Variants in CLNK observed in about 807,000 individuals in gnomAD.
CLNK encodes cytokine-dependent hematopoietic cell linker.
A neutral mutation model predicts 68.6 loss-of-function variants in CLNK; 74 were observed. The ratio of observed to expected loss-of-function variants is 1.08; its 90% CI spans 0.89 to 1.31. CLNK has a LOEUF of 1.31. CLNK is among the 50% of genes most tolerant of loss of function. CLNK has a pLI of 0.00. For synonymous variants in CLNK, 198 were observed against 172.2 expected (o/e 1.15, Z -1.17); for missense variants, 553 against 515.3 (o/e 1.07, Z -0.71).
upstream of CLNK, among the ~76,000 whole-genome samples, chr4:10,689,762 T>TTTTTTTTTTTTTTTTTTTGA (rs55754483): frequency 6.7e-6 from 1 of 149,442 alleles, no homozygotes. Context: ...TTTTTTTTTT[T>TTTTTTTTTTTTTTTTTTTGA]ACAAATTGTG....
intron 2 of CLNK, among the ~76,000 whole-genome samples, chr4:10,638,496 A>G (rs1227631913): frequency 1.3e-5 from 2 of 152,234 alleles, no homozygotes; most frequent in Admixed American, 6.5e-5. Context: ...AGGAACTAGA[A>G]TTTGTGATTC....
upstream of CLNK, among the ~76,000 whole-genome samples, chr4:10,688,927 T>C (rs572727486): frequency 9.2e-5 from 14 of 152,230 alleles, no homozygotes; most frequent in African/African-American, 3.4e-4. Flanking sequence ...AAGAGTCCTA[T>C]GTAGCACCTA....
intron 2 of CLNK, among the ~76,000 whole-genome samples, chr4:10,604,294 A>C (rs897912253): frequency 2.6e-5 from 4 of 152,248 alleles, no homozygotes; most frequent in Non-Finnish European, 5.9e-5. Context: ...ACTCAATTAC[A>C]AAGAGGCAAA....
At chr4:10,654,406 A>ATATATATATATATAT (rs1723882523) in intron 2 of CLNK, among the ~76,000 whole-genome samples, 1 of 64,204 alleles carries the variant, frequency 1.6e-5, no homozygotes, top group Non-Finnish European at 4.5e-5. Context: ...TATATATAGA[A>ATATATATATATATAT]AGTCTCTTGG....
intron 8 of CLNK, among the ~76,000 whole-genome samples, chr4:10,552,725 CGATTT>C (rs1362304471): frequency 3.3e-5 from 5 of 152,092 alleles, no homozygotes; most frequent in Admixed American, 3.3e-4. Flanking sequence ...TTGAATGAGA[CGATTT>C]GTGTATGAAC....
intron 7 of CLNK, among the ~76,000 whole-genome samples, chr4:10,564,104 CTTTTTTT>C (rs371222469): frequency 7.4e-6 from 1 of 135,852 alleles, no homozygotes; most frequent in African/African-American, 2.7e-5. Context: ...TAGATTTTTT[CTTTTTTT>C]TTTTTTTTGA....
At chr4:10,711,326 C>T in the CLNK span, among the ~76,000 whole-genome samples, 1 of 152,172 alleles carries the variant, frequency 6.6e-6, no homozygotes, top group Non-Finnish European at 1.5e-5. Context: ...TTTCCCTTTG[C>T]AAAAACAAGT....
intron 16 of CLNK, among the ~76,000 whole-genome samples, chr4:10,509,941 G>C (rs890153907): frequency 6.6e-6 from 1 of 152,188 alleles, no homozygotes; most frequent in Non-Finnish European, 1.5e-5. Context: ...ACAGGCTCTA[G>C]AGACAAAGGA....
intron 13 of CLNK, among the ~76,000 whole-genome samples, chr4:10,527,066 A>G (rs1038407577): frequency 1.7e-4 from 26 of 152,244 alleles, no homozygotes; most frequent in Admixed American, 6.5e-5. Flanking sequence ...TGACTGGTCC[A>G]TGAATCATGC....
chr4:10,562,101 CTTTTTT>C (rs11345903), intron 7 of CLNK, among the ~76,000 whole-genome samples: 66 of 129,290 alleles, frequency 5.1e-4, no homozygotes, highest in Non-Finnish European at 7.3e-4. Context: ...TTTTTCTTTT[CTTTTTT>C]TTTTTTTTTT....
chr4:10,558,879 T>G (rs989111913), intron 7 of CLNK, among the ~76,000 whole-genome samples: 1 of 152,136 alleles, frequency 6.6e-6, no homozygotes, highest in Non-Finnish European at 1.5e-5. Context: ...AGGCCTGGGT[T>G]AGGATTCCAC....
intron 2 of CLNK, among the ~76,000 whole-genome samples, chr4:10,616,194 A>G (rs895151423): frequency 6.6e-6 from 1 of 152,176 alleles, no homozygotes; most frequent in African/African-American, 2.4e-5. Context: ...GCTGCTGTTC[A>G]TCTCTTCACC....
At chr4:10,627,944 G>A (rs190678162) in intron 2 of CLNK, among the ~76,000 whole-genome samples, 1 of 150,280 alleles carries the variant, frequency 6.7e-6, no homozygotes, top group East Asian at 1.9e-4. Flanking sequence ...TCCCCTGCAG[G>A]GTTCTGCTGC....
the CLNK span, among the ~76,000 whole-genome samples, chr4:10,725,489 G>A: frequency 2.0e-5 from 3 of 152,038 alleles, no homozygotes; most frequent in Non-Finnish European, 4.4e-5. Context: ...AGGTTCCTCG[G>A]CCATCAGAAG....
chr4:10,692,367 T>C, the CLNK span, among the ~76,000 whole-genome samples: 3 of 152,164 alleles, frequency 2.0e-5, no homozygotes, highest in African/African-American at 7.2e-5. Context: ...TATAGCAAAG[T>C]TGAAAGTGAG....
chr4:10,499,596 C>G (rs540095418), intron 18 of CLNK, among the ~76,000 whole-genome samples: 1 of 152,368 alleles, frequency 6.6e-6, no homozygotes, highest in East Asian at 1.9e-4. Flanking sequence ...ATTTTGTTAT[C>G]TGTTGAAGAA....
chr4:10,499,238 A>G (rs1315021131), intron 18 of CLNK, among the ~76,000 whole-genome samples: 1 of 152,196 alleles, frequency 6.6e-6, no homozygotes, highest in African/African-American at 2.4e-5. Flanking sequence ...CAATGGGGAA[A>G]GGGGACAGGG....
At chr4:10,615,718 C>G (rs894289038) in intron 2 of CLNK, among the ~76,000 whole-genome samples, 4 of 152,158 alleles carry the variant, frequency 2.6e-5, no homozygotes, top group African/African-American at 9.7e-5. Flanking sequence ...CCTGTCTTTA[C>G]AGTGGTGCTA....
At chr4:10,687,128 T>C (rs771126401), upstream of CLNK, among the ~76,000 whole-genome samples, 1 of 152,234 alleles carries the variant, frequency 6.6e-6, no homozygotes, top group Non-Finnish European at 1.5e-5. Flanking sequence ...CAGACATGTA[T>C]TGATTTAACA....
Sources: gnomAD v4.1 joint callset for allele counts (sites outside exome capture counted in the v4.1 genomes callset) on GRCh38, gnomAD v4.1.1 for gene constraint, MANE v1.5 for transcripts, NCBI Gene and HGNC (gene_info 2026-07-23, HGNC 2026-07-21) for gene names.